FNDC3A: variants seen among roughly 807,000 people sequenced by gnomAD.
FNDC3A encodes fibronectin type III domain containing 3A.
In FNDC3A, 32 loss-of-function variants were observed where a neutral mutation model predicts 148.9. That is an observed-to-expected ratio of 0.21 (90% CI 0.16 to 0.29). The LOEUF (loss-of-function observed/expected upper bound fraction) is 0.29, where lower values mean the gene tolerates loss of function less well. FNDC3A is among the 10% of genes least tolerant of loss of function. The pLI is 1.00. For synonymous variants in FNDC3A, 472 were observed against 473.6 expected (o/e 1.00, Z 0.04); for missense variants, 1,191 against 1,452.8 (o/e 0.82, Z 2.93).
At chr13:49,026,764 G>A (rs1873744764) in intron 2 of FNDC3A, among the ~76,000 whole-genome samples, 1 of 152,068 alleles carries the variant, frequency 6.6e-6, no homozygotes, top group Non-Finnish European at 1.5e-5. Context: ...CTCGATAGAA[G>A]GTTTTGAGTG....
chr13:49,197,483 T>C (rs896392014), intron 20 of FNDC3A, among the ~76,000 whole-genome samples: 1 of 152,224 alleles, frequency 6.6e-6, no homozygotes, highest in Non-Finnish European at 1.5e-5. Context: ...ACACTCTTTC[T>C]AAAGTGACTT....
intron 8 of FNDC3A, among the ~76,000 whole-genome samples, chr13:49,160,611 C>G (rs923495918): frequency 6.6e-6 from 1 of 151,750 alleles, no homozygotes; most frequent in Non-Finnish European, 1.5e-5. Context: ...TTTTGTGTCT[C>G]TATCCCCTTC....
intron 3 of FNDC3A, among the ~76,000 whole-genome samples, chr13:49,088,482 G>A (rs1177052537): frequency 3.9e-5 from 6 of 152,194 alleles, no homozygotes; most frequent in Non-Finnish European, 7.3e-5. Context: ...TAGATTGAAT[G>A]ATTGTTACAC....
intron 3 of FNDC3A, among the ~76,000 whole-genome samples, chr13:49,088,697 C>A (rs564656279): frequency 1.1e-4 from 16 of 152,066 alleles, no homozygotes; most frequent in African/African-American, 3.9e-4. Context: ...TTTTTCCAAC[C>A]GCACTAGTAC....
intron 3 of FNDC3A, among the ~76,000 whole-genome samples, chr13:49,081,620 A>G (rs1188548939): frequency 2.0e-5 from 3 of 152,206 alleles, no homozygotes; most frequent in Admixed American, 6.5e-5. Flanking sequence ...TATATTACTT[A>G]TATCTGTGGA....
chr13:49,059,406 G>A (rs1028327467), intron 2 of FNDC3A, among the ~76,000 whole-genome samples: 4 of 152,200 alleles, frequency 2.6e-5, no homozygotes, highest in Admixed American at 1.3e-4. Context: ...AAAGAACATT[G>A]TCAGAGATGT....
At chr13:49,168,148 G>A (rs1884574007) in intron 9 of FNDC3A, among the ~76,000 whole-genome samples, 1 of 152,220 alleles carries the variant, frequency 6.6e-6, no homozygotes, top group Admixed American at 6.5e-5. Context: ...GAGCACATGT[G>A]GTTGGGATTA....
At chr13:48,980,671 T>C (rs1006698717) in intron 1 of FNDC3A, among the ~76,000 whole-genome samples, 9 of 152,184 alleles carry the variant, frequency 5.9e-5, no homozygotes, top group East Asian at 1.9e-4. Context: ...TTTATAGATA[T>C]CTATTTCTAA....
intron 2 of FNDC3A, among the ~76,000 whole-genome samples, chr13:49,074,810 T>C (rs4942800): frequency 0.58 from 88,220 of 151,886 alleles, 27,288 homozygotes; most frequent in Non-Finnish European, 0.68. Context: ...GTCGTAAAAT[T>C]GGTATGTATT....
intron 3 of FNDC3A, among the ~76,000 whole-genome samples, chr13:49,110,956 TGAAATAG>T: frequency 6.6e-6 from 1 of 152,222 alleles, no homozygotes; most frequent in East Asian, 1.9e-4. Flanking sequence ...TGCAGGTTTT[TGAAATAG>T]GAAATGTATC....
intron 3 of FNDC3A, among the ~76,000 whole-genome samples, chr13:49,085,672 A>G (rs952892404): frequency 3.9e-5 from 6 of 152,196 alleles, no homozygotes; most frequent in Non-Finnish European, 8.8e-5. Flanking sequence ...TATAATCACA[A>G]TAAAACTTTA....
chr13:49,122,746 A>G (rs7332900), intron 4 of FNDC3A, among the ~76,000 whole-genome samples: 1,729 of 152,240 alleles, frequency 0.011, 36 homozygotes, highest in African/African-American at 0.039. Flanking sequence ...CTCCCGTTCA[A>G]AATTGCTACA....
At chr13:48,998,947 TGATCATTTCAGAAAA>T (rs1474337554) in intron 1 of FNDC3A, among the ~76,000 whole-genome samples, 1 of 152,186 alleles carries the variant, frequency 6.6e-6, no homozygotes, top group Non-Finnish European at 1.5e-5. Flanking sequence ...TGAACATGCA[TGATCATTTCAGAAAA>T]GGGAGAAGGA....
At chr13:49,045,789 C>A in intron 2 of FNDC3A, 1 of 251,984 alleles carries the variant, frequency 4.0e-6, no homozygotes, top group Non-Finnish European at 6.8e-6. Flanking sequence ...TAATGACAGT[C>A]CTTTTTTTTT....
intron 2 of FNDC3A, among the ~76,000 whole-genome samples, chr13:49,043,640 T>G (rs576414121): frequency 4.7e-4 from 72 of 152,322 alleles, no homozygotes; most frequent in Non-Finnish European, 9.1e-4. Flanking sequence ...GATTTTCTGT[T>G]TTTTTAAGTA....
chr13:49,197,742 A>G lies in FNDC3A; in HGVS notation c.2358A>G (p.Gly786=). The part of the protein sequence containing the change: ...QVNWEVPLSN[G]TDVTEYRLEW... ...ATTTAAAGGTTCCTTTGAGTAATGG[A>G]ACAGATGTCACTGAATATCGACTGG... The change falls in exon 21 of 26, where the codon GGA becomes GGG. Residue 786 remains glycine, a synonymous_variant. Transcript: ENST00000492622. 3 of 1,609,562 alleles carry G rather than the reference A, an allele frequency of 1.9e-6. No individual in the cohort carries two copies. Among genetic ancestry groups the G allele is most frequent in the Non-Finnish European group, 2.5e-6 (3 of 1,178,966 alleles).
intron 1 of FNDC3A, among the ~76,000 whole-genome samples, chr13:48,977,542 C>T (rs1951625739): frequency 6.6e-6 from 1 of 152,102 alleles, no homozygotes; most frequent in Non-Finnish European, 1.5e-5. Context: ...AGTTGAATCC[C>T]CTGTCTTTTG....
intron 1 of FNDC3A, among the ~76,000 whole-genome samples, chr13:48,983,548 A>G (rs1443231524): frequency 6.6e-6 from 1 of 152,208 alleles, no homozygotes; most frequent in Non-Finnish European, 1.5e-5. Context: ...ATTAAACTTC[A>G]TTTACGAAAC....
In FNDC3A at chr13:49,194,969, T is replaced by G. The variant is rs553092540; in HGVS notation, c.2227-1908T>G. 1.1e-3 allele frequency among the ~76,000 whole-genome samples: 169 copies of G among 152,266 alleles called. 6 individuals are homozygous for G. In the South Asian group the frequency reaches 0.034, roughly 31 times the overall value. ...AACATTTATAATTATACAGATGAAA[T>G]AGTTTCTATAAGGAAGTTGGAGTTT... On this transcript the variant is annotated intron_variant, in intron 19 of 25. Transcript: ENST00000492622.
Sources: gnomAD v4.1 joint callset for allele counts (sites outside exome capture counted in the v4.1 genomes callset) on GRCh38, gnomAD v4.1.1 for gene constraint, MANE v1.5 for transcripts, NCBI Gene and HGNC (gene_info 2026-07-23, HGNC 2026-07-21) for gene names.